Variants in PTPRG observed in about 807,000 individuals in gnomAD.
The protein encoded by PTPRG is protein tyrosine phosphatase receptor type G, also known as receptor-type tyrosine-protein phosphatase gamma.
Under a neutral mutation model 165.3 loss-of-function variants are expected in PTPRG, and 102 were observed. The observed-to-expected ratio is 0.62, with a 90% CI of 0.53 to 0.73. The LOEUF is 0.73. PTPRG is among the 30% of genes least tolerant of loss of function. The pLI is 0.00. For missense variants in PTPRG, 1,866 were observed against 1,861.4 expected, an observed-to-expected ratio of 1.00 and a Z score of -0.05; for synonymous variants, 675 against 669.5, an observed-to-expected ratio of 1.01 and a Z score of -0.13.
chr3:62,226,884 T>G lies in PTPRG; in HGVS notation c.2289-4341T>G, dbSNP rs191176026. On this transcript the variant is annotated intron_variant, in intron 13 of 29. Coordinates refer to ENST00000474889, the MANE Select transcript of PTPRG (RefSeq NM_002841.4). The stretch of plus-strand genomic sequence containing the variant: ...TACTCTAAGTCCCATCTTTAGATTT[T>G]CAGAAATTTTGCCATGTGTTGGTGC... Among the ~76,000 whole-genome samples the G allele has an allele frequency of 1.0e-3, 155 of 152,322 alleles. 1 individual carries two copies. Among genetic ancestry groups the G allele is most frequent in the Non-Finnish European group, 3.4e-4 (23 of 68,020 alleles).
intron 28 of PTPRG, among the ~76,000 whole-genome samples, chr3:62,289,173 C>G (rs563223405): frequency 6.6e-6 from 1 of 151,992 alleles, no homozygotes; most frequent in South Asian, 2.1e-4. Flanking sequence ...TTTATTCAAC[C>G]TCAGAATGTG....
chr3:61,837,531 G>T (rs570614983), intron 2 of PTPRG, among the ~76,000 whole-genome samples: 1 of 152,332 alleles, frequency 6.6e-6, no homozygotes, highest in African/African-American at 2.4e-5. Context: ...GAATACGGAG[G>T]TGCAGCCTGA....
intron 6 of PTPRG, 83 bp from the exon 7 acceptor site, chr3:62,156,984 A>G (rs1344741150): frequency 3.2e-6 from 4 of 1,262,178 alleles, no homozygotes; most frequent in Admixed American, 1.8e-5. Context: ...TGGCACCAGC[A>G]TGCCGAGGGT....
At chr3:61,691,271 G>C (rs2030190580) in intron 1 of PTPRG, among the ~76,000 whole-genome samples, 1 of 152,222 alleles carries the variant, frequency 6.6e-6, no homozygotes, top group African/African-American at 2.4e-5. Flanking sequence ...GCTGGGTGTG[G>C]TGGCACATAC....
At chr3:61,777,775 G>A (rs1362800157) in intron 2 of PTPRG, among the ~76,000 whole-genome samples, 3 of 152,148 alleles carry the variant, frequency 2.0e-5, no homozygotes, top group African/African-American at 7.2e-5. Context: ...TGGTTGATCT[G>A]TTTCTAGATA....
chr3:62,287,075 G>A (rs1246512180), intron 28 of PTPRG, among the ~76,000 whole-genome samples: 3 of 152,078 alleles, frequency 2.0e-5, no homozygotes, highest in Non-Finnish European at 4.4e-5. Context: ...CCCATGGAAA[G>A]GTGAGAATAA....
At chr3:61,580,438 T>C (rs995923543) in intron 1 of PTPRG, among the ~76,000 whole-genome samples, 25 of 150,236 alleles carry the variant, frequency 1.7e-4, no homozygotes, top group African/African-American at 6.1e-4. Context: ...TGGAATGTAG[T>C]GGCGTGATCT....
intron 16 of PTPRG, among the ~76,000 whole-genome samples, chr3:62,257,676 C>A (rs1429246990): frequency 6.6e-6 from 1 of 152,146 alleles, no homozygotes; most frequent in Non-Finnish European, 1.5e-5. Context: ...TGTCCTGGGC[C>A]AGGCACAGTG....
At chr3:62,114,822 G>A (rs1002194508) in intron 5 of PTPRG, among the ~76,000 whole-genome samples, 3 of 148,526 alleles carry the variant, frequency 2.0e-5, no homozygotes, top group Admixed American at 6.7e-5. Flanking sequence ...TTAGTTTTTT[G>A]TAGAGACAGG....
rs373513818 is a variant in PTPRG, at chr3:61,714,748, G to A, written c.86-34130G>A. On this transcript the variant is annotated intron_variant, in intron 1 of 29. Transcript: ENST00000474889. ...TCTGTCATTTGTTCAGAGGCGCCAC[G>A]TGAGCCTTGATACTGTGAAATGTCC... Among the ~76,000 whole-genome samples, 8 of 152,256 alleles carry A rather than the reference G, an allele frequency of 5.3e-5. No individual in the cohort carries two copies. In the South Asian group the frequency reaches 1.0e-3, roughly 20 times the overall value.
chr3:61,782,153 A>G (rs571560085), intron 2 of PTPRG, among the ~76,000 whole-genome samples: 3 of 152,266 alleles, frequency 2.0e-5, no homozygotes, highest in Admixed American at 6.5e-5. Context: ...GGGAAACACC[A>G]CTGTTGAGCT....
At chr3:61,679,802 G>A (rs964602365) in intron 1 of PTPRG, among the ~76,000 whole-genome samples, 17 of 151,886 alleles carry the variant, frequency 1.1e-4, no homozygotes, top group Non-Finnish European at 1.9e-4. Flanking sequence ...AAACAGAAAA[G>A]CAAAAAAACC....
At chr3:62,231,086 T>G (rs1299121184) in intron 13 of PTPRG, 139 bp from the exon 14 acceptor site, 4 of 559,630 alleles carry the variant, frequency 7.1e-6, no homozygotes, top group East Asian at 6.9e-5. Flanking sequence ...CATCCTCTTT[T>G]GAAAATGTCA....
In PTPRG at chr3:61,679,565, A is replaced by T. The variant is rs1016054008; in HGVS notation, c.86-69313A>T. ...TTTGGGAGGTCAAAGCTGGTGGATCACTTGAGTCCAGGAGTTTGAGAACAG... is the reference window on the plus strand; with the variant it reads ...TTTGGGAGGTCAAAGCTGGTGGATCTCTTGAGTCCAGGAGTTTGAGAACAG... On this transcript the variant is annotated intron_variant, in intron 1 of 29. Coordinates refer to ENST00000474889, the MANE Select transcript of PTPRG (RefSeq NM_002841.4). Among the ~76,000 whole-genome samples the T allele has an allele frequency of 6.4e-4, 97 of 152,208 alleles. 1 individual carries two copies. Among genetic ancestry groups the T allele is most frequent in the African/African-American group, 2.3e-3 (94 of 41,542 alleles).
chr3:61,840,339 C>A (rs981288272), intron 2 of PTPRG, among the ~76,000 whole-genome samples: 1 of 152,074 alleles, frequency 6.6e-6, no homozygotes, highest in Non-Finnish European at 1.5e-5. Flanking sequence ...GTTACTAAAT[C>A]TTTAAAATTT....
intron 5 of PTPRG, among the ~76,000 whole-genome samples, chr3:62,106,036 T>C (rs1278746213): frequency 6.6e-6 from 1 of 152,220 alleles, no homozygotes; most frequent in Admixed American, 6.5e-5. Flanking sequence ...CAGTAACTGA[T>C]CTTTATAGTC....
At chr3:62,069,395 A>T (rs1396035650) in intron 4 of PTPRG, among the ~76,000 whole-genome samples, 1 of 152,180 alleles carries the variant, frequency 6.6e-6, no homozygotes, top group Non-Finnish European at 1.5e-5. Flanking sequence ...TGTAAGCTGT[A>T]AGAGTGTGAA....
At chr3:61,812,892 G>T (rs1408632478) in intron 2 of PTPRG, among the ~76,000 whole-genome samples, 2 of 152,238 alleles carry the variant, frequency 1.3e-5, no homozygotes, top group Non-Finnish European at 2.9e-5. Flanking sequence ...GGTTTAGGAT[G>T]CTAGGTTCAT....
At chr3:61,748,669 G>C (rs1056604622) in intron 1 of PTPRG, among the ~76,000 whole-genome samples, 2 of 151,492 alleles carry the variant, frequency 1.3e-5, no homozygotes, top group East Asian at 3.9e-4. Flanking sequence ...CAAAGTAAAG[G>C]TTCCTTGTCA....
Sources: allele counts gnomAD v4.1 joint callset (sites outside exome capture counted in the v4.1 genomes callset), GRCh38; gene constraint gnomAD v4.1.1; transcripts MANE v1.5; gene names NCBI Gene and HGNC (gene_info 2026-07-23, HGNC 2026-07-21).